Variants in TCERG1L observed in about 807,000 individuals in gnomAD.
TCERG1L encodes transcription elongation regulator 1 like.
TCERG1L carries 37 observed loss-of-function variants against 56.3 expected under a neutral mutation model. The observed-to-expected ratio is 0.66, with a 90% CI of 0.51 to 0.87. The LOEUF (loss-of-function observed/expected upper bound fraction) is 0.87, where lower values mean the gene tolerates loss of function less well. TCERG1L is among the 40% of genes least tolerant of loss of function. The probability of loss-of-function intolerance (pLI) is 0.00; values close to 1 mark genes in which losing one functional copy is unlikely to be tolerated. For missense variants in TCERG1L, 799 were observed against 774.2 expected, an observed-to-expected ratio of 1.03 and a Z score of -0.38; for synonymous variants, 324 against 326.3, an observed-to-expected ratio of 0.99 and a Z score of 0.08.
chr10:131,277,380 G>GGA (rs549451624), intron 3 of TCERG1L, among the ~76,000 whole-genome samples: 588 of 152,302 alleles, frequency 3.9e-3, no homozygotes, highest in Non-Finnish European at 4.9e-3. Flanking sequence ...CAACCGGAGC[G>GGA]GTCACTGCAG....
chr10:131,138,558 C>T (rs1416255670), intron 7 of TCERG1L, among the ~76,000 whole-genome samples: 1 of 152,116 alleles, frequency 6.6e-6, no homozygotes, highest in Non-Finnish European at 1.5e-5. Context: ...AAAGTAGGGC[C>T]AATTCATCTG....
chr10:131,255,745 A>G (rs746634588), intron 4 of TCERG1L, among the ~76,000 whole-genome samples: 5 of 152,240 alleles, frequency 3.3e-5, no homozygotes, highest in African/African-American at 4.8e-5. Context: ...CTCAGAAAGA[A>G]CGCGAGGTCC....
At chr10:131,150,411 C>A (rs1383384930) in intron 6 of TCERG1L, among the ~76,000 whole-genome samples, 4 of 152,344 alleles carry the variant, frequency 2.6e-5, no homozygotes, top group Middle Eastern at 6.8e-3. Context: ...ATTCCACAAG[C>A]AACAGGGCCA....
rs959143192 is a variant in TCERG1L, at chr10:131,111,362, C to G, written c.1395+5437G>C. On this transcript the variant is annotated intron_variant, in intron 9 of 11. Coordinates refer to ENST00000368642, the MANE Select transcript of TCERG1L (RefSeq NM_174937.4). ...CAAGGAAAGCTGGGTCATACAGGGC[C>G]CCCAAACATGGCGAACTTCCATCTC... is the stretch of plus-strand genomic sequence containing the variant. Among the ~76,000 whole-genome samples, 2 of 142,808 alleles carry G rather than the reference C, an allele frequency of 1.4e-5. 1 individual carries two copies. The highest frequency in any genetic ancestry group is 3.2e-5 in the Non-Finnish European group (2 of 63,482). The allele number at this position is 142,808 out of a possible 152,430, so 93.7% of individuals were successfully genotyped here.
At chr10:131,288,219 C>A (rs1459692535) in intron 3 of TCERG1L, among the ~76,000 whole-genome samples, 1 of 152,050 alleles carries the variant, frequency 6.6e-6, no homozygotes, top group East Asian at 1.9e-4. Flanking sequence ...TTTCTCCCCC[C>A]AACTCTCTAA....
intron 3 of TCERG1L, among the ~76,000 whole-genome samples, chr10:131,276,239 G>A (rs977159807): frequency 8.5e-5 from 13 of 152,294 alleles, no homozygotes; most frequent in African/African-American, 1.9e-4. Context: ...AGTCCAGAGC[G>A]TCCATCTGTT....
chr10:131,308,280 A>G lies in TCERG1L; in HGVS notation c.601T>C (p.Ser201Pro), dbSNP rs754099304. The G allele has an allele frequency of 2.5e-6, 4 of 1,613,904 alleles. No homozygotes were observed. In the Admixed American group the frequency reaches 6.7e-5, roughly 27 times the overall value. The change falls in exon 3 of 12, where the codon TCT (serine) becomes CCT (proline). Residue 201 changes from serine (S) to proline (P), a missense_variant. Coordinates refer to ENST00000368642, the MANE Select transcript of TCERG1L (RefSeq NM_174937.4). ...PRLLANQVAV[S>P]LSRPAPASRP... The stretch of plus-strand genomic sequence containing the variant: ...GAGGCAGGAGCCGGCCTGGACAGAG[A>G]CACAGCTACTTGATTTGCCAGCAAA...
At chr10:131,199,495 G>A (rs1230413853) in intron 4 of TCERG1L, among the ~76,000 whole-genome samples, 3 of 152,216 alleles carry the variant, frequency 2.0e-5, no homozygotes, top group Admixed American at 2.0e-4. Flanking sequence ...CCAGTTCTTG[G>A]CCACATTATA....
rs547223717 is a variant in TCERG1L, at chr10:131,129,467, C to T, written c.1259+4912G>A. On this transcript the variant is annotated intron_variant, in intron 8 of 11. Coordinates refer to ENST00000368642, the MANE Select transcript of TCERG1L (RefSeq NM_174937.4). Reference sequence around the variant, plus strand: ...TTGAGCTGATGCTGGGAAATGAATGCGTGGAGGCGAACTGTGTTATTCCAG... The same window carrying T: ...TTGAGCTGATGCTGGGAAATGAATGTGTGGAGGCGAACTGTGTTATTCCAG... Among the ~76,000 whole-genome samples the T allele has an allele frequency of 1.4e-4, 21 of 152,286 alleles. No individual in the cohort carries two copies. The South Asian group carries it at 3.7e-3, about 27-fold the overall frequency.
At chr10:131,180,248 A>G (rs71478073) in intron 4 of TCERG1L, among the ~76,000 whole-genome samples, 4,871 of 152,330 alleles carry the variant, frequency 0.032, 103 homozygotes, top group Middle Eastern at 0.054. Flanking sequence ...AGCTAAGACC[A>G]CAGTGGCCTG....
At chr10:131,094,786 C>A (rs1162065574) in intron 11 of TCERG1L, among the ~76,000 whole-genome samples, 2 of 152,176 alleles carry the variant, frequency 1.3e-5, no homozygotes, top group African/African-American at 2.4e-5. Context: ...TTGGCTAAGC[C>A]ACACTCCACC....
intron 3 of TCERG1L, among the ~76,000 whole-genome samples, chr10:131,272,333 G>C (rs1320673204): frequency 1.3e-5 from 2 of 152,236 alleles, no homozygotes; most frequent in African/African-American, 2.4e-5. Context: ...TGTTGGATGA[G>C]GTGGCCAGCA....
chr10:131,153,190 C>T (rs10829931), intron 6 of TCERG1L, among the ~76,000 whole-genome samples: 31,045 of 151,952 alleles, frequency 0.2, 3,558 homozygotes, highest in South Asian at 0.37. Context: ...TGTGTGAGGA[C>T]GCTGGGTGCA....
At chr10:131,301,124 T>C (rs113623488) in intron 3 of TCERG1L, among the ~76,000 whole-genome samples, 4 of 152,184 alleles carry the variant, frequency 2.6e-5, no homozygotes, top group East Asian at 1.9e-4. Context: ...TAGGGTGTTA[T>C]TGCTTTTTAC....
Position 131,166,864 on chromosome 10 carries a change from C to G in TCERG1L, c.878G>C (p.Arg293Pro), listed in dbSNP as rs769852465. 1 of 1,612,820 alleles carries G rather than the reference C, an allele frequency of 6.2e-7. No homozygotes were observed. The highest frequency in any genetic ancestry group is 1.3e-5 in the African/African-American group (1 of 75,060). The change falls in exon 5 of 12, where the codon CGA becomes CCA. Residue 293 changes from arginine (R) to proline (P), a missense_variant. Physicochemically the swap from Arg to Pro is moderately radical, Grantham distance 103. Transcript: ENST00000368642. ...CATCAGGGCAGGAGGGCGGGCCACTCGGCCCCGCTCTGTCCTTGTATCTGT... is the reference window on the plus strand; with the variant it reads ...CATCAGGGCAGGAGGGCGGGCCACTGGGCCCCGCTCTGTCCTTGTATCTGT... ...PVSDTRTERG[R>P]VARPPALMLR... is the part of the protein sequence containing the mutation.
chr10:131,211,572 A>G (rs1385701637), intron 4 of TCERG1L, among the ~76,000 whole-genome samples: 1 of 152,258 alleles, frequency 6.6e-6, no homozygotes, highest in Non-Finnish European at 1.5e-5. Context: ...AGCCCCAGCC[A>G]GAGAGCCAGT....
intron 8 of TCERG1L, among the ~76,000 whole-genome samples, chr10:131,132,286 G>A (rs541755400): frequency 3.3e-5 from 5 of 152,306 alleles, no homozygotes; most frequent in South Asian, 2.1e-4. Flanking sequence ...CCTCTCCCAC[G>A]GAATCTTCAA....
chr10:131,183,135 G>T (rs936967138), intron 4 of TCERG1L, among the ~76,000 whole-genome samples: 2 of 152,038 alleles, frequency 1.3e-5, no homozygotes, highest in African/African-American at 4.8e-5. Flanking sequence ...ACAAGGGCAG[G>T]TACATTTTTC....
At chr10:131,181,424 T>C (rs559873151) in intron 4 of TCERG1L, among the ~76,000 whole-genome samples, 1 of 152,144 alleles carries the variant, frequency 6.6e-6, no homozygotes, top group African/African-American at 2.4e-5. Flanking sequence ...AGCCACAAAG[T>C]TGGGGGAGCA....
Sources: allele counts gnomAD v4.1 joint callset (sites outside exome capture counted in the v4.1 genomes callset), GRCh38; gene constraint gnomAD v4.1.1; transcripts MANE v1.5; gene names NCBI Gene and HGNC (gene_info 2026-07-23, HGNC 2026-07-21).